Variants in WBP1L observed in about 807,000 individuals in gnomAD.
WBP1L encodes WW domain binding protein 1 like.
Under a neutral mutation model 33.7 loss-of-function variants are expected in WBP1L, and 17 were observed. The observed-to-expected ratio is 0.50, with a 90% confidence interval of 0.34 to 0.76. The LOEUF is 0.76. Among genes scored for constraint, WBP1L ranks in the 30% least tolerant of loss-of-function variants. WBP1L has a pLI of 0.01. For missense variants in WBP1L, 389 were observed against 469.4 expected (o/e 0.83, Z 1.58); for synonymous variants, 173 against 190.8 (o/e 0.91, Z 0.77).
At chr10:102,778,433 G>C (rs1268785596) in intron 1 of WBP1L, among the ~76,000 whole-genome samples, 1 of 152,182 alleles carries the variant, frequency 6.6e-6, no homozygotes, top group Non-Finnish European at 1.5e-5. Flanking sequence ...CAGTTACTTG[G>C]ACATGTAGTG....
At chr10:102,793,813 G>A (rs752538967) in intron 1 of WBP1L, among the ~76,000 whole-genome samples, 24 of 152,004 alleles carry the variant, frequency 1.6e-4, no homozygotes, top group Non-Finnish European at 1.3e-4. Flanking sequence ...CTGTCACCCA[G>A]GCTAGCGTGC....
At chr10:102,794,107 C>G (rs1449515573) in intron 1 of WBP1L, among the ~76,000 whole-genome samples, 1 of 151,990 alleles carries the variant, frequency 6.6e-6, no homozygotes, top group East Asian at 1.9e-4. Flanking sequence ...TTGTGTAGAT[C>G]TTAAGCCACC....
chr10:102,810,514 CT>C (rs1843819766), intron 3 of WBP1L, among the ~76,000 whole-genome samples: 1 of 130,252 alleles, frequency 7.7e-6, no homozygotes, highest in Admixed American at 8.0e-5. Context: ...TCCTTCCTTC[CT>C]TCCTTCCTTC....
At chr10:102,766,182 CT>C (rs1296502569) in intron 1 of WBP1L, among the ~76,000 whole-genome samples, 1 of 151,968 alleles carries the variant, frequency 6.6e-6, no homozygotes, top group Non-Finnish European at 1.5e-5. Flanking sequence ...TGGCTCACAT[CT>C]GTAATCCCAG....
chr10:102,779,553 C>T (rs886190530), intron 1 of WBP1L, among the ~76,000 whole-genome samples: 1 of 152,048 alleles, frequency 6.6e-6, no homozygotes, highest in Non-Finnish European at 1.5e-5. Context: ...CCGCTCGCCT[C>T]GGCCTCCCAA....
intron 1 of WBP1L, chr10:102,744,461 CTG>C: frequency 5.1e-6 from 5 of 985,272 alleles, no homozygotes; most frequent in Non-Finnish European, 4.8e-6. Flanking sequence ...TCGTGTCCCT[CTG>C]TGGAGCAGGT....
intron 1 of WBP1L, among the ~76,000 whole-genome samples, chr10:102,782,850 G>T (rs1843357565): frequency 6.6e-6 from 1 of 152,330 alleles, no homozygotes; most frequent in Non-Finnish European, 1.5e-5. Context: ...CTGAGGGTTT[G>T]CCGGGACTGT....
At chr10:102,799,673 C>G (rs954364103) in intron 2 of WBP1L, among the ~76,000 whole-genome samples, 2 of 152,204 alleles carry the variant, frequency 1.3e-5, no homozygotes. Flanking sequence ...TCATCACTGC[C>G]TCCATTTGGA....
chr10:102,757,062 G>T (rs897454551), intron 1 of WBP1L, among the ~76,000 whole-genome samples: 3 of 151,950 alleles, frequency 2.0e-5, no homozygotes, highest in African/African-American at 7.2e-5. Context: ...TAATTTTTTT[G>T]TGTTTTTAAT....
chr10:102,771,123 C>T (rs1437880107), intron 1 of WBP1L, among the ~76,000 whole-genome samples: 1 of 152,184 alleles, frequency 6.6e-6, no homozygotes, highest in Non-Finnish European at 1.5e-5. Flanking sequence ...ATTATCTCTC[C>T]CCTACCCCAC....
chr10:102,745,185 G>A (rs962789378), intron 1 of WBP1L, among the ~76,000 whole-genome samples: 4 of 152,356 alleles, frequency 2.6e-5, no homozygotes, highest in South Asian at 4.1e-4. Context: ...GTGAACAAGA[G>A]CAGAAACTGA....
At chr10:102,769,160 A>C (rs1424958925) in intron 1 of WBP1L, among the ~76,000 whole-genome samples, 1 of 152,020 alleles carries the variant, frequency 6.6e-6, no homozygotes. Flanking sequence ...TAATTTCTTA[A>C]TTTTTGTAGA....
At chr10:102,790,737 T>A (rs1276414194) in intron 1 of WBP1L, among the ~76,000 whole-genome samples, 1 of 152,060 alleles carries the variant, frequency 6.6e-6, no homozygotes, top group African/African-American at 2.4e-5. Flanking sequence ...GGTCTCGAAT[T>A]CCTGACCTCG....
chr10:102,758,074 G>A (rs935784588), intron 1 of WBP1L, among the ~76,000 whole-genome samples: 1 of 144,540 alleles, frequency 6.9e-6, no homozygotes, highest in Non-Finnish European at 1.5e-5. Flanking sequence ...TAGTAGAGAC[G>A]GGGTTTCCCC....
intron 1 of WBP1L, among the ~76,000 whole-genome samples, chr10:102,779,891 T>C (rs2134044929): frequency 6.6e-6 from 1 of 152,380 alleles, no homozygotes; most frequent in African/African-American, 2.4e-5. Flanking sequence ...GAGGAGAGTT[T>C]ACCAGACATG....
chr10:102,807,650 G>A (rs554627306), intron 2 of WBP1L, among the ~76,000 whole-genome samples: 1 of 151,990 alleles, frequency 6.6e-6, no homozygotes, highest in Non-Finnish European at 1.5e-5. Flanking sequence ...GGGATTACAG[G>A]GTGTGAGCCC....
intron 1 of WBP1L, among the ~76,000 whole-genome samples, chr10:102,777,938 G>A (rs749813527): frequency 6.6e-6 from 1 of 152,182 alleles, no homozygotes; most frequent in Non-Finnish European, 1.5e-5. Flanking sequence ...GAAATAGGAT[G>A]AAGCTGGATG....
At chr10:102,804,352 C>T (rs1471002213) in intron 2 of WBP1L, among the ~76,000 whole-genome samples, 1 of 147,762 alleles carries the variant, frequency 6.8e-6, no homozygotes, top group Non-Finnish European at 1.5e-5. Flanking sequence ...CACACCACTC[C>T]ACTCCAGCCT....
intron 1 of WBP1L, chr10:102,746,242 C>T (rs1842863191): frequency 3.6e-6 from 3 of 834,350 alleles, no homozygotes; most frequent in Non-Finnish European, 4.3e-6. Context: ...CCACAGGCTG[C>T]TTTCTTATAT....
Sources: gnomAD v4.1 joint callset for allele counts (sites outside exome capture counted in the v4.1 genomes callset) on GRCh38, gnomAD v4.1.1 for gene constraint, MANE v1.5 for transcripts, NCBI Gene and HGNC (gene_info 2026-07-23, HGNC 2026-07-21) for gene names.